Variants in RALYL observed in about 807,000 individuals in gnomAD.
RALYL encodes RNA-binding Raly-like protein.
A neutral mutation model predicts 35.1 loss-of-function variants in RALYL; 29 were observed. The observed-to-expected ratio is 0.83, with a 90% CI of 0.61 to 1.13. The LOEUF is 1.13. Among genes scored for constraint, RALYL ranks in the 50% most tolerant of loss-of-function variants. The pLI is 0.00. For missense variants in RALYL, 359 were observed against 360.4 expected, an observed-to-expected ratio of 1.00 and a Z score of 0.03; for synonymous variants, 120 against 127.6, an observed-to-expected ratio of 0.94 and a Z score of 0.40.
chr8:84,661,941 T>A (rs1391601882), intron 2 of RALYL, among the ~76,000 whole-genome samples: 1 of 149,890 alleles, frequency 6.7e-6, no homozygotes, highest in Non-Finnish European at 1.5e-5. Context: ...TTTTTGTTAC[T>A]GTTTTTTTTT....
At chr8:84,278,189 G>C (rs1483359092) in intron 1 of RALYL, among the ~76,000 whole-genome samples, 1 of 152,206 alleles carries the variant, frequency 6.6e-6, no homozygotes, top group East Asian at 1.9e-4. Flanking sequence ...TGACTTCTGT[G>C]CACCTGCAGG....
intron 1 of RALYL, among the ~76,000 whole-genome samples, chr8:84,205,139 C>T (rs1817767992): frequency 6.6e-6 from 1 of 152,156 alleles, no homozygotes; most frequent in South Asian, 2.1e-4. Flanking sequence ...GTTTTATATA[C>T]ATTGTTATAT....
intron 1 of RALYL, among the ~76,000 whole-genome samples, chr8:84,224,953 C>T (rs1001065857): frequency 1.3e-5 from 2 of 152,322 alleles, no homozygotes; most frequent in African/African-American, 4.8e-5. Context: ...CTGCACCCGG[C>T]CACTTCATTA....
chr8:84,728,662 G>T (rs1368134271), intron 2 of RALYL, among the ~76,000 whole-genome samples: 7 of 152,098 alleles, frequency 4.6e-5, no homozygotes, highest in Non-Finnish European at 7.3e-5. Context: ...TAAGGTGTAA[G>T]GAAGGGATCC....
chr8:84,451,119 GA>G (rs2049426296), intron 1 of RALYL, among the ~76,000 whole-genome samples: 1 of 151,936 alleles, frequency 6.6e-6, no homozygotes, highest in Non-Finnish European at 1.5e-5. Context: ...TAGCCAAAGA[GA>G]ATATAATTGA....
intron 1 of RALYL, among the ~76,000 whole-genome samples, chr8:84,258,777 A>G (rs1831677802): frequency 1.3e-5 from 2 of 152,094 alleles, no homozygotes; most frequent in Non-Finnish European, 2.9e-5. Context: ...GCCTTTCCCC[A>G]CAGTCACTTT....
intron 2 of RALYL, among the ~76,000 whole-genome samples, chr8:84,735,840 G>GAGAGAA (rs969851118): frequency 2.0e-5 from 3 of 149,730 alleles, no homozygotes; most frequent in African/African-American, 7.6e-5. Context: ...GAGAGAGAGA[G>GAGAGAA]AGAGAGAGAA....
rs887795608 is a variant in RALYL at position 84,775,005 on chromosome 8, A to G, written c.332+351A>G. ...CTCTCTGTTGCCCAGGCTGGAGTGC[A>G]GTGGCACAATCTCAGCTCATTGCAA... is the stretch of plus-strand genomic sequence containing the variant. On this transcript the variant is annotated intron_variant, in intron 3 of 8. Coordinates refer to ENST00000521268, the MANE Select transcript of RALYL (RefSeq NM_173848.7). Among the ~76,000 whole-genome samples, 5 of 152,260 alleles carry G rather than the reference A, an allele frequency of 3.3e-5. No homozygotes were observed. The South Asian group carries it at 8.3e-4, about 25-fold the overall frequency.
At chr8:84,888,510 G>A (rs1407615996) in intron 8 of RALYL, among the ~76,000 whole-genome samples, 1 of 152,134 alleles carries the variant, frequency 6.6e-6, no homozygotes, top group Non-Finnish European at 1.5e-5. Context: ...GCGGGCAAAT[G>A]TGGGTATATA....
chr8:84,232,350 C>T (rs1825571250), intron 1 of RALYL, among the ~76,000 whole-genome samples: 2 of 152,022 alleles, frequency 1.3e-5, no homozygotes, highest in South Asian at 4.1e-4. Flanking sequence ...TGAAAGGTTA[C>T]TATACACAAT....
intron 1 of RALYL, among the ~76,000 whole-genome samples, chr8:84,229,228 A>G (rs1297379268): frequency 6.6e-6 from 1 of 152,234 alleles, no homozygotes; most frequent in East Asian, 1.9e-4. Flanking sequence ...TCAGAAACAT[A>G]GTCTCTTTCT....
chr8:84,437,542 A>C (rs990271987), intron 1 of RALYL, among the ~76,000 whole-genome samples: 6 of 152,074 alleles, frequency 3.9e-5, no homozygotes, highest in African/African-American at 1.4e-4. Context: ...TTTTAATAGT[A>C]GCCATTCTGA....
intron 2 of RALYL, among the ~76,000 whole-genome samples, chr8:84,540,606 T>G (rs1335983332): frequency 6.6e-6 from 1 of 152,022 alleles, no homozygotes; most frequent in East Asian, 1.9e-4. Flanking sequence ...ATGTTCATGA[T>G]AAACTATTGG....
At chr8:84,673,844 T>C (rs946551304) in intron 2 of RALYL, among the ~76,000 whole-genome samples, 3 of 152,216 alleles carry the variant, frequency 2.0e-5, no homozygotes, top group African/African-American at 7.2e-5. Context: ...TTGTTTAGGA[T>C]TGACTTGACA....
chr8:84,269,524 C>A (rs1833916946), intron 1 of RALYL, among the ~76,000 whole-genome samples: 1 of 152,114 alleles, frequency 6.6e-6, no homozygotes, highest in Admixed American at 6.6e-5. Context: ...ATTCCATTAT[C>A]TATTTTAAGT....
At chr8:84,823,838 A>G (rs886278089) in intron 4 of RALYL, among the ~76,000 whole-genome samples, 16 of 152,018 alleles carry the variant, frequency 1.1e-4, no homozygotes, top group Middle Eastern at 3.4e-3. Flanking sequence ...TAAAAAATGC[A>G]TGCCTTCTAT....
intron 2 of RALYL, among the ~76,000 whole-genome samples, chr8:84,707,435 C>A (rs1044334985): frequency 3.3e-5 from 5 of 151,152 alleles, no homozygotes; most frequent in Non-Finnish European, 7.4e-5. Context: ...ATTTTTTTTC[C>A]TTGTGGATTA....
At chr8:84,398,999 T>C (rs1202927053) in intron 1 of RALYL, among the ~76,000 whole-genome samples, 1 of 149,516 alleles carries the variant, frequency 6.7e-6, no homozygotes, top group Admixed American at 6.7e-5. Context: ...AAAAGAACTA[T>C]GCAAAGAAAT....
chr8:84,449,067 T>A (rs2049153224), intron 1 of RALYL, among the ~76,000 whole-genome samples: 1 of 150,030 alleles, frequency 6.7e-6, no homozygotes, highest in Admixed American at 6.7e-5. Flanking sequence ...TTGTTAGCTG[T>A]TAGTTTTTTT....
Sources: allele counts gnomAD v4.1 joint callset (sites outside exome capture counted in the v4.1 genomes callset), GRCh38; gene constraint gnomAD v4.1.1; transcripts MANE v1.5; gene names NCBI Gene and HGNC (gene_info 2026-07-23, HGNC 2026-07-21).